The following TRPM1 variants were observed in gnomAD, a reference collection of about 807,000 sequenced individuals.
TRPM1 encodes transient receptor potential cation channel subfamily M member 1, also known as TRPM1-203 APA Isoform, Intron 10.
A neutral mutation model predicts 149.4 loss-of-function variants in TRPM1; 113 were observed. The ratio of observed to expected loss-of-function variants is 0.76; its 90% CI spans 0.65 to 0.88. The LOEUF (loss-of-function observed/expected upper bound fraction) is 0.88, where lower values mean the gene tolerates loss of function less well. TRPM1 is among the 40% of genes least tolerant of loss of function. The pLI is 0.00. For missense variants in TRPM1, 1,976 were observed against 2,038.7 expected (o/e 0.97, Z 0.59); for synonymous variants, 741 against 759.5 (o/e 0.98, Z 0.40).
intron 1 of TRPM1, among the ~76,000 whole-genome samples, chr15:31,122,386 A>C (rs914335460): frequency 2.0e-5 from 3 of 152,220 alleles, no homozygotes; most frequent in Non-Finnish European, 2.9e-5. Context: ...AAAGGAAGGA[A>C]TAAAACTGTC....
At chr15:31,056,488 G>T (rs2034091015) in intron 11 of TRPM1, among the ~76,000 whole-genome samples, 1 of 152,196 alleles carries the variant, frequency 6.6e-6, no homozygotes, top group Admixed American at 6.5e-5. Context: ...ATAATTGAAT[G>T]AAAATCATAG....
chr15:31,096,669 G>C (rs1233697741), intron 1 of TRPM1, among the ~76,000 whole-genome samples: 1 of 152,240 alleles, frequency 6.6e-6, no homozygotes, highest in Admixed American at 6.5e-5. Context: ...ATGCGCAGAG[G>C]CTCAGGGCCA....
intron 1 of TRPM1, among the ~76,000 whole-genome samples, chr15:31,155,150 A>C (rs1337597280): frequency 6.6e-6 from 1 of 152,128 alleles, no homozygotes. Flanking sequence ...GTGAGCGTAC[A>C]TGAAACTTCC....
chr15:31,034,023 C>G (rs1327229803), intron 21 of TRPM1, among the ~76,000 whole-genome samples: 1 of 152,124 alleles, frequency 6.6e-6, no homozygotes, highest in South Asian at 2.1e-4. Flanking sequence ...GTGAAAGGGT[C>G]AACAATTACT....
At chr15:31,119,575 A>G (rs1425568964) in intron 1 of TRPM1, among the ~76,000 whole-genome samples, 1 of 152,198 alleles carries the variant, frequency 6.6e-6, no homozygotes, top group Non-Finnish European at 1.5e-5. Flanking sequence ...GAAGAGTGTT[A>G]GAGAAGAAAT....
intron 1 of TRPM1, among the ~76,000 whole-genome samples, chr15:31,155,466 C>T (rs548988961): frequency 2.0e-5 from 3 of 152,312 alleles, no homozygotes; most frequent in Middle Eastern, 3.4e-3. Context: ...AGGCACAAAC[C>T]GTTGAGGCTG....
At position 31,047,340 on chromosome 15, in the gene TRPM1, GC is replaced by G. The variant is rs2140936816; in HGVS notation, c.1624-90del. On this transcript the variant is annotated intron_variant, in intron 14 of 27. Coordinates refer to ENST00000256552, the MANE Select transcript of TRPM1 (RefSeq NM_001252024.2). ...GTCTAGGGGGTAAGTGGCTGTCCTG[GC>G]CCCCACTTGGGAGTTCATGTAACAG... The G allele has an allele frequency of 3.4e-6, 5 of 1,474,358 alleles. No individual in the cohort carries two copies. The East Asian group carries it at 6.9e-5, about 20-fold the overall frequency. 91.3% of individuals were successfully genotyped at this position (1,474,358 alleles called of 1,614,324 possible).
chr15:31,059,942 C>T (rs1241075800), intron 11 of TRPM1, among the ~76,000 whole-genome samples: 2 of 151,824 alleles, frequency 1.3e-5, no homozygotes, highest in African/African-American at 2.4e-5. Flanking sequence ...CACATTAGTA[C>T]TCCTCAACAC....
Position 31,135,640 on chromosome 15 carries a change from C to T in TRPM1, c.54+25266G>A, listed in dbSNP as rs990443847. ...GGTGGGGCCTAGTGGGAGGTGTTTG[C>T]GTCATGGGGGCAGGTCCCTCAGGAG... On this transcript the variant is annotated intron_variant, in intron 1 of 26. Transcript: ENST00000542188. 4.0e-5 allele frequency among the ~76,000 whole-genome samples: 6 copies of T among 151,682 alleles called. No individual in the cohort carries two copies. In the South Asian group the frequency reaches 6.3e-4, roughly 16 times the overall value.
Position 31,101,647 on chromosome 15 carries a change from C to G in TRPM1, c.-84+10G>C, listed in dbSNP as rs1277207535. ...TCCCTTCACCTGTGCTTACCCGCAT[C>G]TGAGCTTACCTGCCACAGCAGTGGA... is the stretch of plus-strand genomic sequence containing the variant. On this transcript the variant is annotated intron_variant, in intron 1 of 27. Coordinates refer to ENST00000256552, the MANE Select transcript of TRPM1 (RefSeq NM_001252024.2). The G allele has an allele frequency of 6.1e-6, 6 of 985,674 alleles. No individual in the cohort carries two copies. Among genetic ancestry groups the G allele is most frequent in the Admixed American group, 1.2e-4 (2 of 16,278 alleles). 61.1% of individuals were successfully genotyped at this position (985,674 alleles called of 1,614,324 possible).
chr15:31,019,256 C>A (rs1306111951), intron 27 of TRPM1, among the ~76,000 whole-genome samples: 3 of 152,198 alleles, frequency 2.0e-5, no homozygotes, highest in Admixed American at 6.5e-5. Context: ...TAATTTCCAT[C>A]CACTTCTTCA....
intron 1 of TRPM1, among the ~76,000 whole-genome samples, chr15:31,124,800 T>C (rs996178544): frequency 1.3e-5 from 2 of 151,702 alleles, no homozygotes; most frequent in African/African-American, 4.8e-5. Flanking sequence ...ACAGTTGGAG[T>C]ACAGGGGATT....
chr15:31,158,581 C>T (rs1027660550), intron 1 of TRPM1, among the ~76,000 whole-genome samples: 20 of 144,580 alleles, frequency 1.4e-4, no homozygotes, highest in Admixed American at 7.9e-4. Flanking sequence ...GAACTGAGAT[C>T]GCGCCACTGC....
chr15:31,098,064 T>A (rs552545752), intron 1 of TRPM1, among the ~76,000 whole-genome samples: 2 of 152,358 alleles, frequency 1.3e-5, no homozygotes, highest in South Asian at 4.1e-4. Flanking sequence ...TACTTTTCCT[T>A]TTTAAGTGGC....
intron 10 of TRPM1, 48 bp downstream of exon 10, chr15:31,061,394 C>T (rs1016821251): frequency 1.9e-6 from 3 of 1,585,796 alleles, no homozygotes; most frequent in African/African-American, 2.7e-5. Context: ...GGATTGCCGG[C>T]TAGGCCAACA....
chr15:31,094,359 A>G (rs1417560464), intron 1 of TRPM1, among the ~76,000 whole-genome samples: 1 of 152,228 alleles, frequency 6.6e-6, no homozygotes, highest in Non-Finnish European at 1.5e-5. Flanking sequence ...AGGTAAGTTG[A>G]ACTTCATTAA....
chr15:31,060,217 CT>C, intron 11 of TRPM1: 1 of 406,504 alleles, frequency 2.5e-6, no homozygotes, highest in Admixed American at 3.7e-5. Flanking sequence ...AATCATTGCC[CT>C]GGATGGAAGC....
chr15:31,113,371 A>C (rs1441686664), intron 1 of TRPM1, among the ~76,000 whole-genome samples: 1 of 151,920 alleles, frequency 6.6e-6, no homozygotes, highest in East Asian at 1.9e-4. Flanking sequence ...GGACTGTCAC[A>C]ACCAACGGGG....
chr15:31,121,033 C>A (rs2035869051), intron 1 of TRPM1, among the ~76,000 whole-genome samples: 1 of 151,862 alleles, frequency 6.6e-6, no homozygotes, highest in Non-Finnish European at 1.5e-5. Context: ...TCAAGACCAG[C>A]CTGGCCAAGA....
Sources: gnomAD v4.1 joint callset for allele counts (sites outside exome capture counted in the v4.1 genomes callset) on GRCh38, gnomAD v4.1.1 for gene constraint, MANE v1.5 for transcripts, NCBI Gene and HGNC (gene_info 2026-07-23, HGNC 2026-07-21) for gene names.